The following DNAH14 variants were observed in gnomAD, a reference collection of about 807,000 sequenced individuals.
DNAH14 encodes the protein axonemal beta dynein heavy chain 14.
Under a neutral mutation model 520.9 loss-of-function variants are expected in DNAH14, and 478 were observed. That is an observed-to-expected ratio of 0.92 (90% CI 0.85 to 0.99). DNAH14 has a LOEUF of 0.99. Among genes scored for constraint, DNAH14 ranks in the 50% least tolerant of loss-of-function variants. DNAH14 has a pLI of 0.00. For synonymous variants in DNAH14, 1,581 were observed against 1,757.2 expected (o/e 0.90, Z 2.51); for missense variants, 4,831 against 5,234.5 (o/e 0.92, Z 2.38).
intron 77 of DNAH14, among the ~76,000 whole-genome samples, chr1:225,370,753 A>G (rs1446877036): frequency 6.6e-6 from 1 of 152,078 alleles, no homozygotes; most frequent in African/African-American, 2.4e-5. Context: ...GAGTAATAAT[A>G]CAAAAGCTAA....
intron 15 of DNAH14, among the ~76,000 whole-genome samples, chr1:225,049,784 A>G (rs2068354744): frequency 7.2e-6 from 1 of 138,514 alleles, no homozygotes; most frequent in South Asian, 2.2e-4. Flanking sequence ...CTATCTATCT[A>G]TCTATCTATC....
intron 26 of DNAH14, among the ~76,000 whole-genome samples, chr1:225,123,010 A>G (rs917718638): frequency 6.6e-6 from 1 of 152,218 alleles, no homozygotes; most frequent in African/African-American, 2.4e-5. Context: ...AGGAAACTTA[A>G]AACTCCATAT....
At chr1:225,370,881 GAC>G (rs765998168) in intron 77 of DNAH14, among the ~76,000 whole-genome samples, 3 of 151,918 alleles carry the variant, frequency 2.0e-5, no homozygotes, top group African/African-American at 4.8e-5. Flanking sequence ...ATTTTGATAA[GAC>G]AAATAAAATT....
At chr1:225,039,775 G>A (rs1244273004) in intron 12 of DNAH14, among the ~76,000 whole-genome samples, 5 of 146,012 alleles carry the variant, frequency 3.4e-5, no homozygotes, top group Non-Finnish European at 3.0e-5. Flanking sequence ...CTACTTGGGA[G>A]GCTGAGGCAG....
intron 1 of DNAH14, among the ~76,000 whole-genome samples, chr1:224,936,117 G>A (rs952266278): frequency 6.6e-6 from 1 of 151,658 alleles, no homozygotes; most frequent in African/African-American, 2.4e-5. Context: ...AAAAAAGTAG[G>A]AAGATTACTA....
chr1:225,104,005 C>T (rs1323371359), intron 23 of DNAH14, among the ~76,000 whole-genome samples: 1 of 152,074 alleles, frequency 6.6e-6, no homozygotes, highest in Non-Finnish European at 1.5e-5. Context: ...TTTGCCCATT[C>T]AGTGTGATAG....
intron 35 of DNAH14, among the ~76,000 whole-genome samples, chr1:225,163,002 G>A (rs1250001352): frequency 2.6e-5 from 4 of 151,884 alleles, no homozygotes; most frequent in Non-Finnish European, 4.4e-5. Context: ...GCGGGGCGTG[G>A]TGGCACATGC....
At chr1:225,223,792 C>G (rs2090284309) in intron 41 of DNAH14, among the ~76,000 whole-genome samples, 1 of 152,134 alleles carries the variant, frequency 6.6e-6, no homozygotes. Flanking sequence ...AGTGCTTTCT[C>G]AAGGGATGCT....
chr1:225,105,691 A>G (rs2075983773), intron 23 of DNAH14, among the ~76,000 whole-genome samples: 1 of 152,018 alleles, frequency 6.6e-6, no homozygotes, highest in Non-Finnish European at 1.5e-5. Flanking sequence ...CTGTTTTATC[A>G]GAGACTAAGA....
At chr1:225,170,869 G>C (rs1174522434) in intron 36 of DNAH14, among the ~76,000 whole-genome samples, 1 of 152,174 alleles carries the variant, frequency 6.6e-6, no homozygotes, top group African/African-American at 2.4e-5. Context: ...TTAGTTGGAA[G>C]TAAAGCAGTC....
chr1:225,108,975 C>G (rs563463667), intron 23 of DNAH14, among the ~76,000 whole-genome samples: 2 of 152,200 alleles, frequency 1.3e-5, no homozygotes, highest in South Asian at 4.2e-4. Flanking sequence ...GGAACCTGCC[C>G]TTTTTCCAAT....
intron 21 of DNAH14, among the ~76,000 whole-genome samples, chr1:225,094,694 AC>A (rs1326760034): frequency 2.2e-4 from 27 of 121,070 alleles, no homozygotes; most frequent in African/African-American, 1.0e-3. Flanking sequence ...AAACAAACAA[AC>A]AAAAAAACGC....
chr1:225,263,260 A>G (rs1262155737), intron 46 of DNAH14, among the ~76,000 whole-genome samples: 1 of 151,472 alleles, frequency 6.6e-6, no homozygotes, highest in Admixed American at 6.6e-5. Context: ...ATACATGTAT[A>G]TATATAATAC....
In DNAH14 at chr1:225,391,705, C is replaced by T. The variant is rs952017667; in HGVS notation, c.13331-586C>T. 9.2e-5 allele frequency among the ~76,000 whole-genome samples: 14 copies of T among 152,160 alleles called. No homozygotes were observed. The East Asian group carries it at 1.9e-3, about 21-fold the overall frequency. ...GCTGCTGGCGTCATTCACTGAAATACGGAGCACAGGGAGAGGAGCAGGCTG... is the reference window on the plus strand; with the variant it reads ...GCTGCTGGCGTCATTCACTGAAATATGGAGCACAGGGAGAGGAGCAGGCTG... On this transcript the variant is annotated intron_variant, in intron 83 of 85. Coordinates refer to ENST00000682510, the MANE Select transcript of DNAH14 (RefSeq NM_001367479.1).
chr1:225,101,097 TC>T (rs2075406160), intron 23 of DNAH14, among the ~76,000 whole-genome samples: 2 of 152,144 alleles, frequency 1.3e-5, no homozygotes, highest in South Asian at 4.1e-4. Flanking sequence ...TGGTAAATTA[TC>T]AAACTTTTGA....
At chr1:225,076,899 C>G (rs1303383517) in intron 17 of DNAH14, among the ~76,000 whole-genome samples, 2 of 151,836 alleles carry the variant, frequency 1.3e-5, no homozygotes, top group Non-Finnish European at 2.9e-5. Context: ...CACCCATAAA[C>G]TCATCATTTA....
chr1:225,120,059 T>C (rs1483826471), intron 26 of DNAH14, among the ~76,000 whole-genome samples: 1 of 152,162 alleles, frequency 6.6e-6, no homozygotes, highest in Non-Finnish European at 1.5e-5. Flanking sequence ...GAAAGAGTAA[T>C]TCACACAAGC....
At chr1:225,345,699 T>TA (rs1182610632) in intron 69 of DNAH14, among the ~76,000 whole-genome samples, 3 of 151,742 alleles carry the variant, frequency 2.0e-5, no homozygotes, top group South Asian at 4.2e-4. Flanking sequence ...CATATGCCTG[T>TA]AAAAAAAATA....
At chr1:225,269,575 G>T (rs785385) in intron 49 of DNAH14, among the ~76,000 whole-genome samples, 6 of 151,932 alleles carry the variant, frequency 3.9e-5, no homozygotes, top group African/African-American at 1.5e-4. Flanking sequence ...TTTACAATCT[G>T]CCCATCTGAC....
Sources: gnomAD v4.1 joint callset for allele counts (sites outside exome capture counted in the v4.1 genomes callset) on GRCh38, gnomAD v4.1.1 for gene constraint, MANE v1.5 for transcripts, NCBI Gene and HGNC (gene_info 2026-07-23, HGNC 2026-07-21) for gene names.